FAM171A1: variants seen among roughly 807,000 people sequenced by gnomAD.
FAM171A1 encodes protein FAM171A1.
FAM171A1 carries 23 observed loss-of-function variants against 74.9 expected under a neutral mutation model. The ratio of observed to expected loss-of-function variants is 0.31; its 90% CI spans 0.22 to 0.44. The LOEUF (loss-of-function observed/expected upper bound fraction) is 0.44, where lower values mean the gene tolerates loss of function less well. Ranked by LOEUF, FAM171A1 falls within the 20% of genes least tolerant of loss-of-function variation. The probability of loss-of-function intolerance (pLI) is 1.00; values close to 1 mark genes in which losing one functional copy is unlikely to be tolerated. For synonymous variants in FAM171A1, 527 were observed against 505.7 expected, an observed-to-expected ratio of 1.04 and a Z score of -0.57; for missense variants, 1,162 against 1,159.2, an observed-to-expected ratio of 1.00 and a Z score of -0.03.
intron 1 of FAM171A1, among the ~76,000 whole-genome samples, chr10:15,321,155 G>A (rs944864767): frequency 6.6e-6 from 1 of 152,198 alleles, no homozygotes; most frequent in Non-Finnish European, 1.5e-5. Flanking sequence ...TACGGCATAT[G>A]TTTTTTGGAA....
intron 1 of FAM171A1, among the ~76,000 whole-genome samples, chr10:15,297,358 TGC>T (rs775009039): frequency 1.6e-4 from 24 of 152,072 alleles, no homozygotes; most frequent in Non-Finnish European, 2.9e-4. Flanking sequence ...CGCACCTGGC[TGC>T]CATCACAGTC....
At chr10:15,293,865 C>G (rs1835131095) in intron 1 of FAM171A1, among the ~76,000 whole-genome samples, 1 of 152,204 alleles carries the variant, frequency 6.6e-6, no homozygotes, top group Non-Finnish European at 1.5e-5. Flanking sequence ...TTTGTGGCAC[C>G]TTCTGAAATA....
intron 6 of FAM171A1, 48 bp downstream of exon 6, chr10:15,220,896 G>A: frequency 7.0e-7 from 1 of 1,437,466 alleles, no homozygotes. Flanking sequence ...AACCCTCAAA[G>A]ACCAAAGCAA....
chr10:15,275,710 T>A, intron 3 of FAM171A1, 145 bp downstream of exon 3: 1 of 474,054 alleles, frequency 2.1e-6, no homozygotes, highest in Non-Finnish European at 3.8e-6. Context: ...AGTGAGGTGA[T>A]AGACAAGTTA....
intron 3 of FAM171A1, among the ~76,000 whole-genome samples, chr10:15,261,944 T>A (rs1009600160): frequency 1.3e-5 from 2 of 152,066 alleles, no homozygotes; most frequent in African/African-American, 2.4e-5. Context: ...ATAGACCCCA[T>A]CTCTACAAAA....
At chr10:15,245,875 A>G (rs998882930) in intron 5 of FAM171A1, among the ~76,000 whole-genome samples, 3 of 152,286 alleles carry the variant, frequency 2.0e-5, no homozygotes, top group African/African-American at 4.8e-5. Flanking sequence ...TTTTATAAGT[A>G]GCAGAACCCA....
intron 5 of FAM171A1, among the ~76,000 whole-genome samples, chr10:15,242,328 T>C (rs1374264346): frequency 1.3e-5 from 2 of 152,184 alleles, no homozygotes; most frequent in African/African-American, 4.8e-5. Flanking sequence ...TGAAAAAACA[T>C]ATGGTTTCTT....
intron 1 of FAM171A1, among the ~76,000 whole-genome samples, chr10:15,362,181 T>C (rs1454023277): frequency 2.6e-5 from 4 of 152,238 alleles, no homozygotes; most frequent in Non-Finnish European, 5.9e-5. Context: ...ATAAGACAGC[T>C]TGACCTAATT....
chr10:15,337,206 C>A (rs1190881986), intron 1 of FAM171A1, among the ~76,000 whole-genome samples: 1 of 152,096 alleles, frequency 6.6e-6, no homozygotes, highest in Non-Finnish European at 1.5e-5. Flanking sequence ...CAAAATAATT[C>A]AGGTCTGTGT....
At chr10:15,304,624 T>TC (rs1355075766) in intron 1 of FAM171A1, among the ~76,000 whole-genome samples, 1 of 152,200 alleles carries the variant, frequency 6.6e-6, no homozygotes. Context: ...TCCCTCAGCC[T>TC]CCTGGCTGGC....
rs186609107 is a variant in FAM171A1 at position 15,293,184 on chromosome 10, T to G, written c.98-9079A>C. ...TGTCTGGCACACAGTAGTCACCTAA[T>G]GTAGATGCTGAATTAATCTCTAAAA... On this transcript the variant is annotated intron_variant, in intron 1 of 7. Coordinates refer to ENST00000378116, the MANE Select transcript of FAM171A1 (RefSeq NM_001010924.2). Among the ~76,000 whole-genome samples the G allele has an allele frequency of 2.1e-4, 32 of 152,334 alleles. No individual in the cohort carries two copies. The East Asian group carries it at 4.8e-3, about 23-fold the overall frequency.
intron 1 of FAM171A1, among the ~76,000 whole-genome samples, chr10:15,336,315 ATT>A (rs35026811): frequency 2.7e-5 from 4 of 147,624 alleles, no homozygotes; most frequent in Non-Finnish European, 6.0e-5. Flanking sequence ...AAAGACCCAG[ATT>A]TTTTTTTTTT....
At position 15,323,251 on chromosome 10, in the gene FAM171A1, G is replaced by A. The variant is rs377651770; in HGVS notation, c.98-39146C>T. ...AGGTGGATCAGTAGGTCAGGAGTTC[G>A]AGACCAGCCTGGCCAGCATGGTGAA... On this transcript the variant is annotated intron_variant, in intron 1 of 7. Transcript: ENST00000378116. Among the ~76,000 whole-genome samples the A allele has an allele frequency of 1.6e-4, 25 of 152,082 alleles. No individual in the cohort carries two copies. In the East Asian group the frequency reaches 2.3e-3, roughly 14 times the overall value.
chr10:15,306,411 C>T (rs1423506803), intron 1 of FAM171A1, among the ~76,000 whole-genome samples: 11 of 151,760 alleles, frequency 7.2e-5, no homozygotes, highest in Admixed American at 7.2e-4. Context: ...GTCACCCAGG[C>T]TGTAGTGCAG....
intron 1 of FAM171A1, among the ~76,000 whole-genome samples, chr10:15,334,647 C>T (rs917514731): frequency 6.6e-6 from 1 of 152,140 alleles, no homozygotes; most frequent in Non-Finnish European, 1.5e-5. Flanking sequence ...CTGAGGGACC[C>T]TGAGTTAAAC....
At chr10:15,305,689 G>C (rs371280763) in intron 1 of FAM171A1, among the ~76,000 whole-genome samples, 13 of 46,940 alleles carry the variant, frequency 2.8e-4, no homozygotes, top group Non-Finnish European at 4.6e-4. Context: ...AAAAAAAAAA[G>C]ATCAGAAGAG....
At chr10:15,244,416 G>C (rs890539857) in intron 5 of FAM171A1, among the ~76,000 whole-genome samples, 3 of 151,990 alleles carry the variant, frequency 2.0e-5, no homozygotes, top group Non-Finnish European at 2.9e-5. Flanking sequence ...TTCTTCAGGG[G>C]GCTGAGGTGG....
rs149646871 is a variant in FAM171A1 at position 15,223,494 on chromosome 10, A to C, written c.755-2434T>G. 4.5e-3 allele frequency among the ~76,000 whole-genome samples: 680 copies of C among 152,348 alleles called. 7 individuals are homozygous for C. Among genetic ancestry groups the C allele is most frequent in the African/African-American group, 0.015 (641 of 41,590 alleles). Reference sequence around the variant, plus strand: ...CCCAGAGGGTGAGAGCTGGAAGCAGAGTAAGTCCTGCTCATTCATGAATGC... The same window carrying C: ...CCCAGAGGGTGAGAGCTGGAAGCAGCGTAAGTCCTGCTCATTCATGAATGC... On this transcript the variant is annotated intron_variant, in intron 5 of 7. Coordinates refer to ENST00000378116, the MANE Select transcript of FAM171A1 (RefSeq NM_001010924.2).
intron 5 of FAM171A1, among the ~76,000 whole-genome samples, chr10:15,221,743 T>G (rs930640417): frequency 1.3e-4 from 20 of 151,870 alleles, no homozygotes; most frequent in African/African-American, 4.8e-4. Flanking sequence ...CCATCTATAA[T>G]TCTCACCACA....
Sources: gnomAD v4.1 joint callset for allele counts (sites outside exome capture counted in the v4.1 genomes callset) on GRCh38, gnomAD v4.1.1 for gene constraint, MANE v1.5 for transcripts, NCBI Gene and HGNC (gene_info 2026-07-23, HGNC 2026-07-21) for gene names.